PAH: variants seen among roughly 807,000 people sequenced by gnomAD.
PAH encodes phenylalanine-4-hydroxylase.
A neutral mutation model predicts 62.0 loss-of-function variants in PAH; 64 were observed. That is an observed-to-expected ratio of 1.03 (90% CI 0.84 to 1.27). PAH has a LOEUF of 1.27. PAH is among the 50% of genes most tolerant of loss of function. The pLI is 0.00. For synonymous variants in PAH, 195 were observed against 196.2 expected (o/e 0.99, Z 0.05); for missense variants, 579 against 542.8 (o/e 1.07, Z -0.66).
At chr12:102,844,662 GA>G (rs1440372067) in intron 9 of PAH, among the ~76,000 whole-genome samples, 1 of 152,206 alleles carries the variant, frequency 6.6e-6, no homozygotes, top group African/African-American at 2.4e-5. Context: ...CCAGATGGAA[GA>G]AAAAGGCAGA....
intron 3 of PAH, among the ~76,000 whole-genome samples, chr12:102,884,837 T>G (rs1262807147): frequency 6.6e-6 from 1 of 152,178 alleles, no homozygotes; most frequent in Non-Finnish European, 1.5e-5. Flanking sequence ...GAGCGCTTAT[T>G]ATGCACCAGA....
In PAH at chr12:102,901,003, A is replaced by C. The variant is rs1228606981; in HGVS notation, c.169-6085T>G. Among the ~76,000 whole-genome samples, 5 of 152,224 alleles carry C rather than the reference A, an allele frequency of 3.3e-5. 1 individual carries two copies. In the South Asian group the frequency reaches 6.2e-4, roughly 19 times the overall value. On this transcript the variant is annotated intron_variant, in intron 2 of 12. Coordinates refer to ENST00000553106, the MANE Select transcript of PAH (RefSeq NM_000277.3). ...ATAAAACCTTGCTAATCAGGATTCA[A>C]ACAGAAGATATAGGCAAGGTGAAAT...
At chr12:102,895,785 G>A (rs1252045194) in intron 2 of PAH, among the ~76,000 whole-genome samples, 1 of 150,314 alleles carries the variant, frequency 6.7e-6, no homozygotes, top group African/African-American at 2.5e-5. Context: ...AACCACGGAG[G>A]TGGAAGTTGC....
intron 3 of PAH, among the ~76,000 whole-genome samples, chr12:102,884,799 C>T (rs1298568829): frequency 6.6e-6 from 1 of 152,132 alleles, no homozygotes; most frequent in African/African-American, 2.4e-5. Flanking sequence ...GTAGGACTAC[C>T]CTTTTTCCTC....
chr12:102,855,368 G>A, intron 5 of PAH, 36 bp from the exon 6 acceptor site: 1 of 1,587,140 alleles, frequency 6.3e-7, no homozygotes, highest in Non-Finnish European at 8.6e-7. Flanking sequence ...TCTCAAGCAG[G>A]GCAGGGGCAC....
intron 7 of PAH, 152 bp from the exon 8 acceptor site, chr12:102,851,908 G>A: frequency 1.5e-6 from 1 of 662,170 alleles, no homozygotes. Context: ...TGCAGAGGTT[G>A]GGATCATAAA....
chr12:102,924,639 G>A (rs1350647458), intron 1 of PAH, among the ~76,000 whole-genome samples: 1 of 152,106 alleles, frequency 6.6e-6, no homozygotes, highest in Non-Finnish European at 1.5e-5. Flanking sequence ...CTCACCAGAA[G>A]AAAACTTGTT....
chr12:102,863,889 T>G (rs573887112), intron 5 of PAH, among the ~76,000 whole-genome samples: 1 of 152,248 alleles, frequency 6.6e-6, no homozygotes, highest in South Asian at 2.1e-4. Flanking sequence ...AAAGCCCAAC[T>G]TCCACTCCAG....
At chr12:102,889,586 C>A (rs1277161421) in intron 3 of PAH, among the ~76,000 whole-genome samples, 1 of 150,884 alleles carries the variant, frequency 6.6e-6, no homozygotes, top group Non-Finnish European at 1.5e-5. Context: ...GCAGATAGGT[C>A]TTTCTGCTTT....
chr12:102,869,271 A>T (rs1876198692), intron 4 of PAH, among the ~76,000 whole-genome samples: 1 of 152,214 alleles, frequency 6.6e-6, no homozygotes, highest in Non-Finnish European at 1.5e-5. Flanking sequence ...AAGCTAATGT[A>T]ATACTGTATA....
chr12:102,889,655 C>A (rs1427004140), intron 3 of PAH, among the ~76,000 whole-genome samples: 1 of 152,152 alleles, frequency 6.6e-6, no homozygotes, highest in African/African-American at 2.4e-5. Flanking sequence ...CACCAGGACC[C>A]TTATAATCAC....
chr12:102,906,755 A>AT (rs1877992762), intron 2 of PAH, among the ~76,000 whole-genome samples: 1 of 152,162 alleles, frequency 6.6e-6, no homozygotes, highest in African/African-American at 2.4e-5. Flanking sequence ...TACTATTTCC[A>AT]TTTTACAGAT....
chr12:102,957,567 G>GGCTGCAGCCGCTC lies in PAH; in HGVS notation c.-96+615_-96+627dup, dbSNP rs1409967807. ...AGGTAAGAGGAGGGGGGGGAGTGGGGGCTGCAGCCGCTCGCTGCAGCAGCG... is the reference window on the plus strand; with the variant it reads ...AGGTAAGAGGAGGGGGGGGAGTGGGGGCTGCAGCCGCTCGCTGCAGCCGCTCGCTGCAGCAGCG... On this transcript the variant is annotated intron_variant, in intron 1 of 4. Transcript: ENST00000551337. The surrounding 1 kb of genome is among the most constrained non-coding windows in gnomAD (Gnocchi z 4.1). 1.4e-5 allele frequency: 2 copies of GGCTGCAGCCGCTC among 147,640 alleles called. No individual in the cohort carries two copies. The highest frequency in any genetic ancestry group is 5.0e-5 in the African/African-American group (2 of 40,088). The allele number at this position is 147,640 out of a possible 1,614,324, so 9.1% of individuals were successfully genotyped here. A position where few individuals can be genotyped will look rare whatever the true frequency, so the allele number is the denominator to read the frequency against.
chr12:102,938,780 T>C (rs952416817), intron 1 of PAH, among the ~76,000 whole-genome samples: 1 of 152,168 alleles, frequency 6.6e-6, no homozygotes, highest in African/African-American at 2.4e-5. Flanking sequence ...CAACATGCTG[T>C]AGTAGATGCC....
At chr12:102,847,281 C>T in intron 8 of PAH, 2 of 386,512 alleles carry the variant, frequency 5.2e-6, no homozygotes, top group South Asian at 5.0e-5. Flanking sequence ...AGTGATTATT[C>T]ATCAGCAGAA....
chr12:102,949,625 T>G (rs1295347733), intron 1 of PAH, among the ~76,000 whole-genome samples: 2 of 152,208 alleles, frequency 1.3e-5, no homozygotes, highest in African/African-American at 2.4e-5. Context: ...GTGTGTATGT[T>G]GAAATCATTA....
At chr12:102,884,300 C>T (rs1187825173) in intron 3 of PAH, among the ~76,000 whole-genome samples, 2 of 152,144 alleles carry the variant, frequency 1.3e-5, no homozygotes, top group Non-Finnish European at 2.9e-5. Context: ...GGGGTCGATC[C>T]CTGATGTGGC....
chr12:102,853,123 A>G, intron 6 of PAH, 173 bp from the exon 7 acceptor site: 1 of 677,922 alleles, frequency 1.5e-6, no homozygotes, highest in Non-Finnish European at 2.6e-6. Flanking sequence ...GGTGATCTGG[A>G]TCAAGTAAAT....
chr12:102,904,622 G>T, intron 2 of PAH: 3 of 267,732 alleles, frequency 1.1e-5, no homozygotes, highest in East Asian at 8.1e-5. Context: ...ATATTATTTG[G>T]GAAACACTGC....
Sources: allele counts gnomAD v4.1 joint callset (sites outside exome capture counted in the v4.1 genomes callset), GRCh38; gene constraint gnomAD v4.1.1; non-coding constraint Gnocchi (gnomAD v3.1); transcripts MANE v1.5; gene names NCBI Gene and HGNC (gene_info 2026-07-23, HGNC 2026-07-21).